Variants in CDH10 observed in about 807,000 individuals in gnomAD.
CDH10 encodes cadherin 10, also known as cadherin-10.
A neutral mutation model predicts 73.1 loss-of-function variants in CDH10; 30 were observed. The ratio of observed to expected loss-of-function variants is 0.41; its 90% CI spans 0.31 to 0.56. The LOEUF is 0.56. CDH10 is among the 20% of genes least tolerant of loss of function. CDH10 has a pLI of 0.27. For missense variants in CDH10, 815 were observed against 973.7 expected, an observed-to-expected ratio of 0.84 and a Z score of 2.17; for synonymous variants, 345 against 348.2, an observed-to-expected ratio of 0.99 and a Z score of 0.10.
chr5:24,513,968 A>G (rs1158438596), intron 5 of CDH10, among the ~76,000 whole-genome samples: 1 of 152,148 alleles, frequency 6.6e-6, no homozygotes, highest in Non-Finnish European at 1.5e-5. Context: ...GCATTCTATT[A>G]TCTACTTACT....
chr5:24,640,457 G>A (rs1249122359), intron 1 of CDH10, among the ~76,000 whole-genome samples: 1 of 150,944 alleles, frequency 6.6e-6, no homozygotes, highest in African/African-American at 2.4e-5. Flanking sequence ...ATTCTGTCCT[G>A]AATCTTGAAA....
In CDH10 at chr5:24,534,509, T is replaced by C. The variant is rs76061310; in HGVS notation, c.814+603A>G. Reference sequence around the variant, plus strand: ...CAGGAGCTAAAGGTTCTTTACCTATTCCTAATCTATTTTAAGAATTTGAGA... The same window carrying C: ...CAGGAGCTAAAGGTTCTTTACCTATCCCTAATCTATTTTAAGAATTTGAGA... On this transcript the variant is annotated intron_variant, in intron 5 of 11. Transcript: ENST00000264463. 5.2e-3 allele frequency among the ~76,000 whole-genome samples: 793 copies of C among 152,200 alleles called. 2 individuals are homozygous for C. Among genetic ancestry groups the C allele is most frequent in the Non-Finnish European group, 8.3e-3 (565 of 68,002 alleles).
At chr5:24,577,104 C>G (rs372492035) in intron 2 of CDH10, among the ~76,000 whole-genome samples, 1 of 150,400 alleles carries the variant, frequency 6.6e-6, no homozygotes, top group Non-Finnish European at 1.5e-5. Flanking sequence ...AACTGTGAAG[C>G]TTCCACAGCA....
intron 2 of CDH10, among the ~76,000 whole-genome samples, chr5:24,541,960 C>A (rs1369892645): frequency 6.6e-6 from 1 of 152,002 alleles, no homozygotes; most frequent in African/African-American, 2.4e-5. Flanking sequence ...AATTGTAATA[C>A]ATTATTACAT....
chr5:24,514,613 C>T (rs974251161), intron 5 of CDH10, among the ~76,000 whole-genome samples: 2 of 152,056 alleles, frequency 1.3e-5, no homozygotes, highest in African/African-American at 4.8e-5. Flanking sequence ...CAAAGGTGAC[C>T]TTTCTAAAAT....
intron 1 of CDH10, among the ~76,000 whole-genome samples, chr5:24,624,401 G>A (rs547215739): frequency 6.6e-6 from 1 of 151,822 alleles, no homozygotes; most frequent in Non-Finnish European, 1.5e-5. Flanking sequence ...ACAAATTATG[G>A]GTAAACAACA....
intron 7 of CDH10, among the ~76,000 whole-genome samples, chr5:24,507,828 A>G (rs558213847): frequency 6.6e-6 from 1 of 152,290 alleles, no homozygotes; most frequent in East Asian, 1.9e-4. Flanking sequence ...GGGAAGAGGC[A>G]TTTATGGGAA....
At chr5:24,624,972 C>A (rs1747445278) in intron 1 of CDH10, among the ~76,000 whole-genome samples, 1 of 152,110 alleles carries the variant, frequency 6.6e-6, no homozygotes, top group African/African-American at 2.4e-5. Context: ...ACTCTGACAT[C>A]TATTAAATCA....
intron 2 of CDH10, among the ~76,000 whole-genome samples, chr5:24,553,683 C>T (rs79058559): frequency 0.037 from 5,634 of 152,168 alleles, 168 homozygotes; most frequent in African/African-American, 0.077. Context: ...ATACCTTCCA[C>T]CCATATCTTC....
At chr5:24,498,733 T>C (rs1012632526) in intron 8 of CDH10, among the ~76,000 whole-genome samples, 3 of 152,200 alleles carry the variant, frequency 2.0e-5, no homozygotes, top group African/African-American at 7.2e-5. Flanking sequence ...GGTACTATTA[T>C]TATTTTGGAA....
chr5:24,538,189 C>G (rs1162026424), intron 2 of CDH10, among the ~76,000 whole-genome samples: 1 of 151,990 alleles, frequency 6.6e-6, no homozygotes, highest in Non-Finnish European at 1.5e-5. Context: ...AAACAACATA[C>G]ATTATTTTTT....
At chr5:24,583,902 C>A (rs1745885593) in intron 2 of CDH10, among the ~76,000 whole-genome samples, 1 of 152,130 alleles carries the variant, frequency 6.6e-6, no homozygotes, top group African/African-American at 2.4e-5. Flanking sequence ...CTCGGCCCCC[C>A]AAAGTGCTGG....
At chr5:24,577,708 G>A (rs754249085) in intron 2 of CDH10, among the ~76,000 whole-genome samples, 1 of 152,112 alleles carries the variant, frequency 6.6e-6, no homozygotes, top group Non-Finnish European at 1.5e-5. Flanking sequence ...TTCTAAACCT[G>A]TATTCTGTTG....
At chr5:24,598,348 T>C in intron 1 of CDH10, among the ~76,000 whole-genome samples, 1 of 152,140 alleles carries the variant, frequency 6.6e-6, no homozygotes, top group Admixed American at 6.6e-5. Context: ...TATTTATCAC[T>C]CTGTTTTAAG....
intron 2 of CDH10, among the ~76,000 whole-genome samples, chr5:24,582,531 ATTTTCCATTTCCTGGCCTGGGG>A (rs1745839292): frequency 1.3e-5 from 2 of 152,110 alleles, no homozygotes. Flanking sequence ...GGGGCTAGAA[ATTTTCCATTTCCTGGCCTGGGG>A]AGAGGACACA....
chr5:24,606,418 T>C (rs112694371), intron 1 of CDH10, among the ~76,000 whole-genome samples: 3,677 of 152,012 alleles, frequency 0.024, 92 homozygotes, highest in African/African-American at 0.07. Flanking sequence ...CGAGACCAGC[T>C]TGGCCAACAG....
chr5:24,510,580 T>C (rs1239672677), intron 6 of CDH10, among the ~76,000 whole-genome samples: 1 of 152,220 alleles, frequency 6.6e-6, no homozygotes, highest in Non-Finnish European at 1.5e-5. Flanking sequence ...TGCTGTCTGG[T>C]CTGAAAAATG....
At chr5:24,588,296 T>C (rs920512824) in intron 2 of CDH10, among the ~76,000 whole-genome samples, 7 of 152,178 alleles carry the variant, frequency 4.6e-5, no homozygotes, top group African/African-American at 1.4e-4. Context: ...ATGGTTCAAA[T>C]AAAAAATAAC....
chr5:24,638,275 G>T (rs960718565), intron 1 of CDH10, among the ~76,000 whole-genome samples: 1 of 151,230 alleles, frequency 6.6e-6, no homozygotes, highest in East Asian at 1.9e-4. Flanking sequence ...TGAAAATTAG[G>T]ATATATATTT....
Sources: allele counts gnomAD v4.1 joint callset (sites outside exome capture counted in the v4.1 genomes callset), GRCh38; gene constraint gnomAD v4.1.1; transcripts MANE v1.5; gene names NCBI Gene and HGNC (gene_info 2026-07-23, HGNC 2026-07-21).